The following MNAT1 variants were observed in gnomAD, a reference collection of about 807,000 sequenced individuals.
MNAT1 encodes the protein MNAT1 component of CDK activating kinase.
In MNAT1, 43 loss-of-function variants were observed where a neutral mutation model predicts 42.0. The ratio of observed to expected loss-of-function variants is 1.02; its 90% CI spans 0.80 to 1.32. The LOEUF (loss-of-function observed/expected upper bound fraction) is 1.32, where lower values mean the gene tolerates loss of function less well. Ranked by LOEUF, MNAT1 falls within the 40% of genes most tolerant of loss-of-function variation. The probability of loss-of-function intolerance (pLI) is 0.00; values close to 1 mark genes in which losing one functional copy is unlikely to be tolerated. For missense variants in MNAT1, 306 were observed against 350.4 expected (o/e 0.87, Z 1.01); for synonymous variants, 118 against 120.0 (o/e 0.98, Z 0.11).
chr14:60,752,264 A>C (rs1246692434), intron 1 of MNAT1, among the ~76,000 whole-genome samples: 1 of 152,196 alleles, frequency 6.6e-6, no homozygotes, highest in East Asian at 1.9e-4. Context: ...GACATGCCAG[A>C]TGCTGTATTT....
At chr14:60,821,680 A>T (rs1048370361) in intron 6 of MNAT1, among the ~76,000 whole-genome samples, 3 of 152,000 alleles carry the variant, frequency 2.0e-5, no homozygotes, top group African/African-American at 7.3e-5. Flanking sequence ...CTAACATTTT[A>T]TATGTACTTT....
intron 7 of MNAT1, among the ~76,000 whole-genome samples, chr14:60,888,756 G>C (rs528913308): frequency 7.9e-6 from 1 of 127,068 alleles, no homozygotes; most frequent in African/African-American, 2.9e-5. Flanking sequence ...AAAGTCTCAG[G>C]ATACAAAATC....
intron 7 of MNAT1, among the ~76,000 whole-genome samples, chr14:60,891,078 T>C (rs2034833281): frequency 6.6e-6 from 1 of 152,242 alleles, no homozygotes; most frequent in Admixed American, 6.5e-5. Flanking sequence ...CTCATAGTTC[T>C]CTCATATAAT....
chr14:60,806,228 T>C (rs1295737813), intron 3 of MNAT1, among the ~76,000 whole-genome samples: 1 of 152,160 alleles, frequency 6.6e-6, no homozygotes, highest in Admixed American at 6.5e-5. Context: ...TATTAGACAA[T>C]GTATTGTAAG....
intron 7 of MNAT1, among the ~76,000 whole-genome samples, chr14:60,940,299 C>T (rs1436867990): frequency 6.6e-6 from 1 of 152,208 alleles, no homozygotes; most frequent in Admixed American, 6.5e-5. Flanking sequence ...TTATTTTGCT[C>T]ATTAGTTGAT....
At chr14:60,807,021 A>C (rs992988693) in intron 3 of MNAT1, among the ~76,000 whole-genome samples, 1 of 152,186 alleles carries the variant, frequency 6.6e-6, no homozygotes, top group Non-Finnish European at 1.5e-5. Flanking sequence ...TTTATGTTAA[A>C]AAACTGGAGA....
At chr14:60,794,623 T>C (rs1299537850) in intron 1 of MNAT1, among the ~76,000 whole-genome samples, 1 of 112,552 alleles carries the variant, frequency 8.9e-6, no homozygotes, top group African/African-American at 3.4e-5. Context: ...CTGTGACAAC[T>C]TCACTGCATT....
chr14:60,809,679 A>G (rs1016230397), intron 4 of MNAT1, among the ~76,000 whole-genome samples: 3 of 152,064 alleles, frequency 2.0e-5, no homozygotes, highest in Non-Finnish European at 4.4e-5. Context: ...TGTATGTCAA[A>G]CCATCTTTCC....
chr14:60,856,263 A>T (rs1376525448), intron 6 of MNAT1, among the ~76,000 whole-genome samples: 1 of 152,232 alleles, frequency 6.6e-6, no homozygotes, highest in Non-Finnish European at 1.5e-5. Flanking sequence ...AAGAAAATGA[A>T]ACATGCTCAT....
At chr14:60,800,770 C>T (rs541216914) in intron 3 of MNAT1, among the ~76,000 whole-genome samples, 2 of 152,098 alleles carry the variant, frequency 1.3e-5, no homozygotes, top group Non-Finnish European at 2.9e-5. Context: ...TATAAATCCT[C>T]ATTGTGTTTA....
At position 60,923,519 on chromosome 14, in the gene MNAT1, CAT is replaced by C. The variant is rs567231664; in HGVS notation, c.809+43685_809+43686del. Among the ~76,000 whole-genome samples, 201 of 152,274 alleles carry C rather than the reference CAT, an allele frequency of 1.3e-3. No individual in the cohort carries two copies. In the South Asian group the frequency reaches 0.015, roughly 11 times the overall value. ...CTTTACATTAATACTTTAAATGATA[CAT>C]GTTTATCCATTGCATCATTTACAGT... On this transcript the variant is annotated intron_variant, in intron 7 of 7. Transcript: ENST00000261245.
chr14:60,944,282 G>A (rs975330897), intron 7 of MNAT1, among the ~76,000 whole-genome samples: 2 of 151,842 alleles, frequency 1.3e-5, no homozygotes, highest in South Asian at 4.2e-4. Context: ...CCTTTTGTAT[G>A]GAAGTGATAG....
chr14:60,849,876 A>T (rs953677657), intron 6 of MNAT1, among the ~76,000 whole-genome samples: 3 of 151,510 alleles, frequency 2.0e-5, no homozygotes, highest in African/African-American at 7.3e-5. Context: ...TCACTCTGTC[A>T]CCCAGTGTGG....
At position 60,960,996 on chromosome 14, in the gene MNAT1, C is replaced by T. The variant is rs190042488; in HGVS notation, c.810-7233C>T. On this transcript the variant is annotated intron_variant, in intron 7 of 7. Coordinates refer to ENST00000261245, the MANE Select transcript of MNAT1 (RefSeq NM_002431.4). ...TCTTTTTTTGAGACGGAGTGTTGCT[C>T]TTGTTGCCCAGGCTGGAGTGCAATG... Among the ~76,000 whole-genome samples the T allele has an allele frequency of 1.8e-4, 27 of 151,770 alleles. No homozygotes were observed. In the East Asian group the frequency reaches 3.3e-3, roughly 19 times the overall value.
At chr14:60,877,237 T>C (rs1427940878) in intron 6 of MNAT1, among the ~76,000 whole-genome samples, 2 of 152,104 alleles carry the variant, frequency 1.3e-5, no homozygotes, top group African/African-American at 4.8e-5. Flanking sequence ...GCAATATGTA[T>C]ATCTTATGTG....
intron 7 of MNAT1, among the ~76,000 whole-genome samples, chr14:60,942,464 T>C (rs932913387): frequency 2.1e-5 from 3 of 139,836 alleles, no homozygotes; most frequent in African/African-American, 5.2e-5. Context: ...TTTTTGTAAA[T>C]TTGGACTCTT....
chr14:60,853,673 G>A (rs1363973986), intron 6 of MNAT1, among the ~76,000 whole-genome samples: 3 of 152,120 alleles, frequency 2.0e-5, no homozygotes, highest in African/African-American at 7.2e-5. Context: ...TATGATATTG[G>A]CTATGGGTTT....
intron 6 of MNAT1, among the ~76,000 whole-genome samples, chr14:60,839,606 T>C (rs2033489466): frequency 6.6e-6 from 1 of 152,214 alleles, no homozygotes; most frequent in Non-Finnish European, 1.5e-5. Context: ...AGAGAAGAGC[T>C]GCAGCTCTGC....
intron 1 of MNAT1, among the ~76,000 whole-genome samples, chr14:60,760,754 A>G (rs1008117173): frequency 1.3e-5 from 2 of 152,232 alleles, no homozygotes; most frequent in African/African-American, 4.8e-5. Context: ...AAAGCAGGAC[A>G]AGGAAAAATC....
Sources: gnomAD v4.1 joint callset for allele counts (sites outside exome capture counted in the v4.1 genomes callset) on GRCh38, gnomAD v4.1.1 for gene constraint, MANE v1.5 for transcripts, NCBI Gene and HGNC (gene_info 2026-07-23, HGNC 2026-07-21) for gene names.